Variants in PDE6C observed in about 807,000 individuals in gnomAD.
PDE6C encodes the protein phosphodiesterase 6C, also known as cone cGMP-specific 3',5'-cyclic phosphodiesterase subunit alpha'.
PDE6C carries 75 observed loss-of-function variants against 113.1 expected under a neutral mutation model. The ratio of observed to expected loss-of-function variants is 0.66; its 90% CI spans 0.55 to 0.80. PDE6C has a LOEUF of 0.80. Among genes scored for constraint, PDE6C ranks in the 30% least tolerant of loss-of-function variants. The pLI, the probability that PDE6C is intolerant of heterozygous loss-of-function variation, is 0.00. For synonymous variants in PDE6C, 375 were observed against 363.7 expected, an observed-to-expected ratio of 1.03 and a Z score of -0.35; for missense variants, 912 against 1,038.6, an observed-to-expected ratio of 0.88 and a Z score of 1.67.
chr10:93,648,059 C>T (rs1299827212), intron 15 of PDE6C, among the ~76,000 whole-genome samples: 1 of 152,184 alleles, frequency 6.6e-6, no homozygotes, highest in Non-Finnish European at 1.5e-5. Flanking sequence ...AAACAAAATA[C>T]TGTTTTAAAA....
In PDE6C at chr10:93,645,880, A is replaced by G. The variant is rs921685094; in HGVS notation, c.1848-80A>G. ...TTGAGTGAGGAGGGAGAAGAGAGAC[A>G]TTAAGAAAAATCCTGAATTGTATGA... On this transcript the variant is annotated intron_variant, in intron 14 of 21. Coordinates refer to ENST00000371447, the MANE Select transcript of PDE6C (RefSeq NM_006204.4). 4.9e-5 allele frequency: 40 copies of G among 822,932 alleles called. No individual in the cohort carries two copies. In the East Asian group the frequency reaches 9.3e-4, roughly 19 times the overall value. The allele number at this position is 822,932 out of a possible 1,614,324, so 51.0% of individuals were successfully genotyped here. A position where few individuals can be genotyped will look rare whatever the true frequency, so the allele number is the denominator to read the frequency against.
At chr10:93,640,752 T>G (rs1173736590) in intron 13 of PDE6C, among the ~76,000 whole-genome samples, 168 bp from the exon 14 acceptor site, 2 of 152,090 alleles carry the variant, frequency 1.3e-5, no homozygotes, top group Non-Finnish European at 2.9e-5. Flanking sequence ...ACTTACCTTC[T>G]TAAAGGAAGG....
At chr10:93,646,318 G>A (rs1222893055) in intron 15 of PDE6C, among the ~76,000 whole-genome samples, 1 of 152,066 alleles carries the variant, frequency 6.6e-6, no homozygotes. Flanking sequence ...GATGCAAAAG[G>A]GCTCCGTGCA....
intron 14 of PDE6C, among the ~76,000 whole-genome samples, chr10:93,644,677 C>A (rs994805678): frequency 6.6e-6 from 1 of 150,708 alleles, no homozygotes; most frequent in Admixed American, 6.6e-5. Flanking sequence ...ATATTTGTAC[C>A]CATTAATCAA....
chr10:93,627,258 C>CAAAAAAA lies in PDE6C; in HGVS notation c.1071+405_1071+411dup, dbSNP rs57142181. Among the ~76,000 whole-genome samples the CAAAAAAA allele has an allele frequency of 1.7e-3, 87 of 52,418 alleles. 2 individuals carry two copies. Among genetic ancestry groups the CAAAAAAA allele is most frequent in the Admixed American group, 2.2e-3 (8 of 3,610 alleles). 34.4% of individuals were successfully genotyped at this position (52,418 alleles called of 152,430 possible). On this transcript the variant is annotated intron_variant, in intron 7 of 21. Coordinates refer to ENST00000371447, the MANE Select transcript of PDE6C (RefSeq NM_006204.4). ...GCCTGGGCAACAAAGTGAAACTCCA[C>CAAAAAAA]AAAAAAAAAAAAAAAAAAAAAAAAG...
At chr10:93,665,225 T>C in intron 21 of PDE6C, 135 bp from the exon 22 acceptor site, 1 of 763,186 alleles carries the variant, frequency 1.3e-6, no homozygotes. Flanking sequence ...TTTTACATGG[T>C]CAAACCCACA....
chr10:93,650,941 C>T (rs1048457999), intron 15 of PDE6C, among the ~76,000 whole-genome samples: 1 of 152,194 alleles, frequency 6.6e-6, no homozygotes, highest in Middle Eastern at 3.4e-3. Context: ...GTAATTTCCA[C>T]TATTGTTTAT....
chr10:93,648,990 C>A (rs936140843), intron 15 of PDE6C, among the ~76,000 whole-genome samples: 1 of 152,150 alleles, frequency 6.6e-6, no homozygotes, highest in East Asian at 1.9e-4. Flanking sequence ...TATTCTCTTG[C>A]GGGCGTCATA....
At chr10:93,655,994 A>G in intron 16 of PDE6C, 134 bp downstream of exon 16, 7 of 717,898 alleles carry the variant, frequency 9.8e-6, no homozygotes, top group Non-Finnish European at 1.8e-5. Flanking sequence ...ACACACACAT[A>G]CACACAAAAT....
rs74150298 is a variant in PDE6C, at chr10:93,630,795, C to G, written c.1119+1490C>G. ...AAAGCTGTACACACTTGCTTCGTTACGTGCATCTGCCTGCTCCTCCCTTTG... is the reference window on the plus strand; with the variant it reads ...AAAGCTGTACACACTTGCTTCGTTAGGTGCATCTGCCTGCTCCTCCCTTTG... On this transcript the variant is annotated intron_variant, in intron 8 of 21. Transcript: ENST00000371447. Among the ~76,000 whole-genome samples, 922 of 152,270 alleles carry G rather than the reference C, an allele frequency of 6.1e-3. 7 individuals are homozygous for G. The highest frequency in any genetic ancestry group is 0.021 in the African/African-American group (863 of 41,552).
intron 15 of PDE6C, among the ~76,000 whole-genome samples, chr10:93,653,299 A>G (rs1415161630): frequency 6.6e-6 from 1 of 152,142 alleles, no homozygotes; most frequent in Non-Finnish European, 1.5e-5. Context: ...TGATTCAGAG[A>G]TTCTGGACTG....
intron 1 of PDE6C, among the ~76,000 whole-genome samples, chr10:93,617,369 C>T (rs184238525): frequency 6.6e-6 from 1 of 152,182 alleles, no homozygotes; most frequent in African/African-American, 2.4e-5. Context: ...AATTTTGAAA[C>T]TTACAAGCCA....
At chr10:93,655,730 A>G in intron 15 of PDE6C, 30 bp from the exon 16 acceptor site, 1 of 1,092,488 alleles carries the variant, frequency 9.2e-7, no homozygotes, top group East Asian at 2.4e-5. Context: ...AATTATTGAT[A>G]GCATTTTATT....
At chr10:93,652,357 T>A (rs758381893) in intron 15 of PDE6C, among the ~76,000 whole-genome samples, 3 of 152,110 alleles carry the variant, frequency 2.0e-5, no homozygotes, top group Non-Finnish European at 4.4e-5. Context: ...GAACCTCAGG[T>A]GTGAAAGGGA....
intron 8 of PDE6C, among the ~76,000 whole-genome samples, chr10:93,634,491 G>A (rs568201866): frequency 6.6e-6 from 1 of 152,286 alleles, no homozygotes; most frequent in Admixed American, 6.5e-5. Context: ...ACATATATGT[G>A]CAAAAGTAAC....
At chr10:93,653,684 A>G (rs2058620171) in intron 15 of PDE6C, among the ~76,000 whole-genome samples, 1 of 152,114 alleles carries the variant, frequency 6.6e-6, no homozygotes, top group African/African-American at 2.4e-5. Flanking sequence ...AAACAAAAAA[A>G]AACATTGATT....
At chr10:93,635,306 A>AATTATTG (rs1392711585) in intron 9 of PDE6C, among the ~76,000 whole-genome samples, 191 bp from the exon 10 acceptor site, 1 of 152,174 alleles carries the variant, frequency 6.6e-6, no homozygotes, top group Non-Finnish European at 1.5e-5. Flanking sequence ...TGCATGGTAC[A>AATTATTG]CTTTAAAAAG....
Position 93,665,349 on chromosome 10 carries a change from G to C in PDE6C, c.2519-11G>C. ...AACTCCTAATAATATTGCTTTCCTT[G>C]ATTTTACTAGCTGCTGAAGATTCAG... is the stretch of plus-strand genomic sequence containing the variant. On this transcript the variant is annotated splice_polypyrimidine_tract_variant and intron_variant, in intron 21 of 21. Transcript: ENST00000371447. 6.2e-7 allele frequency: 1 copy of C among 1,602,660 alleles called. No homozygotes were observed. Among genetic ancestry groups the C allele is most frequent in the Non-Finnish European group, 8.5e-7 (1 of 1,169,836 alleles).
intron 1 of PDE6C, among the ~76,000 whole-genome samples, chr10:93,614,696 T>G (rs56360211): frequency 0.045 from 6,885 of 152,252 alleles, 180 homozygotes; most frequent in Middle Eastern, 0.082. Flanking sequence ...ATACTTTGAT[T>G]AGCCCAGTTC....
Sources: gnomAD v4.1 joint callset for allele counts (sites outside exome capture counted in the v4.1 genomes callset) on GRCh38, gnomAD v4.1.1 for gene constraint, MANE v1.5 for transcripts, NCBI Gene and HGNC (gene_info 2026-07-23, HGNC 2026-07-21) for gene names.